Variants in RAF1 observed in about 807,000 individuals in gnomAD.
The protein encoded by RAF1 is Raf-1 proto-oncogene, serine/threonine kinase.
Under a neutral mutation model 81.1 loss-of-function variants are expected in RAF1, and 27 were observed. The observed-to-expected ratio is 0.33, with a 90% confidence interval of 0.25 to 0.46. RAF1 has a LOEUF of 0.46. RAF1 is among the 20% of genes least tolerant of loss of function. RAF1 has a pLI of 1.00. For synonymous variants in RAF1, 298 were observed against 294.0 expected, an observed-to-expected ratio of 1.01 and a Z score of -0.14; for missense variants, 598 against 826.0, an observed-to-expected ratio of 0.72 and a Z score of 3.38.
chr3:12,631,223 T>C lies in RAF1; in HGVS notation c.-26-12476A>G, dbSNP rs114568143. On this transcript the variant is annotated intron_variant, in intron 1 of 17. Transcript: ENST00000442415. ...AATAAATGACATAGGCAGTTAGATA[T>C]AGAATTATGAAGTTCAGAAGATGTC... is the stretch of plus-strand genomic sequence containing the variant. Among the ~76,000 whole-genome samples, 483 of 151,984 alleles carry C rather than the reference T, an allele frequency of 3.2e-3. 2 individuals carry two copies. The highest frequency in any genetic ancestry group is 0.011 in the African/African-American group (452 of 41,446).
chr3:12,596,562 A>G (rs1055508356), intron 11 of RAF1, among the ~76,000 whole-genome samples: 6 of 152,178 alleles, frequency 3.9e-5, no homozygotes, highest in Non-Finnish European at 8.8e-5. Context: ...CTTTAAATAA[A>G]TATGTTGAGT....
At chr3:12,598,009 CCTTTTT>C (rs1404145280) in intron 11 of RAF1, among the ~76,000 whole-genome samples, 1 of 54,248 alleles carries the variant, frequency 1.8e-5, no homozygotes, top group Non-Finnish European at 4.6e-5. Context: ...ATTTTCTTTT[CCTTTTT>C]TTTTTTTTTT....
intron 6 of RAF1, among the ~76,000 whole-genome samples, chr3:12,605,175 AT>A (rs1241607789): frequency 6.6e-6 from 1 of 151,996 alleles, no homozygotes; most frequent in African/African-American, 2.4e-5. Context: ...ATATATGCAA[AT>A]TCCTTATTCT....
chr3:12,645,778 T>C (rs1249473861), intron 1 of RAF1, among the ~76,000 whole-genome samples: 2 of 152,146 alleles, frequency 1.3e-5, no homozygotes, highest in Non-Finnish European at 2.9e-5. Flanking sequence ...TCTCACTATG[T>C]TGCCCAGGCT....
intron 1 of RAF1, among the ~76,000 whole-genome samples, chr3:12,656,788 G>C (rs2060707265): frequency 6.6e-6 from 1 of 152,088 alleles, no homozygotes; most frequent in Non-Finnish European, 1.5e-5. Context: ...TCTGCAGTCA[G>C]GAGTTCAAGA....
At chr3:12,656,983 G>A (rs1054604717) in intron 1 of RAF1, among the ~76,000 whole-genome samples, 1 of 147,914 alleles carries the variant, frequency 6.8e-6, no homozygotes, top group East Asian at 1.9e-4. Context: ...TGTGATAAGA[G>A]TGAAACTCCA....
intron 1 of RAF1, among the ~76,000 whole-genome samples, chr3:12,646,741 G>A (rs1483075032): frequency 6.6e-5 from 10 of 151,362 alleles, no homozygotes; most frequent in Non-Finnish European, 7.4e-5. Context: ...TAGTAGAGAC[G>A]GGTTTTACTA....
chr3:12,641,572 A>T (rs140815493), intron 1 of RAF1, among the ~76,000 whole-genome samples: 57 of 150,268 alleles, frequency 3.8e-4, no homozygotes, highest in African/African-American at 1.3e-3. Flanking sequence ...GCTCATTACA[A>T]CCTCTGCCTC....
intron 6 of RAF1, among the ~76,000 whole-genome samples, chr3:12,605,156 T>C (rs2058983996): frequency 6.6e-6 from 1 of 152,200 alleles, no homozygotes; most frequent in Non-Finnish European, 1.5e-5. Context: ...TACAGAAATA[T>C]ATATCCAGAT....
At chr3:12,591,602 T>A (rs558231508) in intron 12 of RAF1, 106 bp downstream of exon 11, 44 of 965,888 alleles carry the variant, frequency 4.6e-5, no homozygotes, top group Non-Finnish European at 6.8e-5. Context: ...CAGTGAGTCC[T>A]AACTGCCTGC....
intron 1 of RAF1, among the ~76,000 whole-genome samples, chr3:12,635,716 G>A (rs2060004817): frequency 6.7e-6 from 1 of 149,986 alleles, no homozygotes; most frequent in African/African-American, 2.4e-5. Flanking sequence ...GCTCACGCCT[G>A]TAATCCCAGC....
intron 1 of RAF1, among the ~76,000 whole-genome samples, chr3:12,625,991 C>T (rs986420554): frequency 2.0e-5 from 3 of 151,732 alleles, no homozygotes; most frequent in Non-Finnish European, 2.9e-5. Flanking sequence ...GTAGGCCGGG[C>T]GCAGTGGCTC....
intron 1 of RAF1, among the ~76,000 whole-genome samples, chr3:12,648,387 T>G (rs2060419208): frequency 6.6e-6 from 1 of 151,486 alleles, no homozygotes; most frequent in African/African-American, 2.4e-5. Flanking sequence ...TCTTTCATAC[T>G]AAAGGCATTA....
intron 1 of RAF1, among the ~76,000 whole-genome samples, chr3:12,640,663 C>T (rs1205156741): frequency 6.6e-6 from 1 of 152,114 alleles, no homozygotes; most frequent in African/African-American, 2.4e-5. Flanking sequence ...ACCACAATGA[C>T]ATACCATCTC....
At chr3:12,585,898 CCT>C in intron 14 of RAF1, 99 bp from the exon 14 acceptor site, 1 of 864,682 alleles carries the variant, frequency 1.2e-6, no homozygotes, top group Non-Finnish European at 2.0e-6. Flanking sequence ...CTCCACCTTA[CCT>C]CTGTCACAGC....
At chr3:12,653,985 T>A (rs2060609162) in intron 1 of RAF1, among the ~76,000 whole-genome samples, 1 of 151,394 alleles carries the variant, frequency 6.6e-6, no homozygotes, top group African/African-American at 2.4e-5. Context: ...ATTCATCTTT[T>A]CTTTTTCTTT....
rs374515740 is a variant in RAF1, at chr3:12,587,837, C to CTTTTT, written c.1431-205_1431-201dup. On this transcript the variant is annotated intron_variant, in intron 13 of 17. Coordinates refer to ENST00000442415, the MANE Select transcript of RAF1 (RefSeq NM_001354689.3). Reference sequence around the variant, plus strand: ...GGCCACAGCACAAACATGCTTACACCTTTTTTTTTTTTTTTTTGGAGACTG... The same window carrying CTTTTT: ...GGCCACAGCACAAACATGCTTACACCTTTTTTTTTTTTTTTTTTTTTTGGAGACTG... The CTTTTT allele has an allele frequency of 3.5e-3, 680 of 194,616 alleles. 25 individuals carry two copies. Among genetic ancestry groups the CTTTTT allele is most frequent in the African/African-American group, 9.8e-3 (306 of 31,292 alleles). 12.1% of individuals were successfully genotyped at this position (194,616 alleles called of 1,614,324 possible). A position where few individuals can be genotyped will look rare whatever the true frequency, so the allele number is the denominator to read the frequency against.
chr3:12,636,937 T>C (rs1314217187), intron 1 of RAF1, among the ~76,000 whole-genome samples: 3 of 152,156 alleles, frequency 2.0e-5, no homozygotes, highest in Admixed American at 6.6e-5. Flanking sequence ...AAAGAACAGG[T>C]ACTGAGTTTG....
At chr3:12,639,872 A>C (rs1318665346) in intron 1 of RAF1, among the ~76,000 whole-genome samples, 1 of 152,208 alleles carries the variant, frequency 6.6e-6, no homozygotes, top group African/African-American at 2.4e-5. Flanking sequence ...AAACTACTTT[A>C]AAGTTCATAT....
Sources: gnomAD v4.1 joint callset for allele counts (sites outside exome capture counted in the v4.1 genomes callset) on GRCh38, gnomAD v4.1.1 for gene constraint, MANE v1.5 for transcripts, NCBI Gene and HGNC (gene_info 2026-07-23, HGNC 2026-07-21) for gene names.